TTC28: variants seen among roughly 807,000 people sequenced by gnomAD.
The protein encoded by TTC28 is tetratricopeptide repeat domain 28.
Under a neutral mutation model 198.0 loss-of-function variants are expected in TTC28, and 61 were observed. The observed-to-expected ratio is 0.31, with a 90% confidence interval of 0.25 to 0.38. The LOEUF (loss-of-function observed/expected upper bound fraction) is 0.38. Ranked by LOEUF, TTC28 falls within the 10% of genes least tolerant of loss-of-function variation. The pLI is 1.00. For synonymous variants in TTC28, 1,171 were observed against 1,297.8 expected, an observed-to-expected ratio of 0.90 and a Z score of 2.10; for missense variants, 2,678 against 3,164.0, an observed-to-expected ratio of 0.85 and a Z score of 3.69.
chr22:28,049,630 C>T (rs564239737), intron 12 of TTC28, among the ~76,000 whole-genome samples: 8 of 152,164 alleles, frequency 5.3e-5, no homozygotes, highest in African/African-American at 1.4e-4. Flanking sequence ...CATGATGGCC[C>T]CACTGAACTT....
At chr22:28,635,798 C>CT (rs2051260283) in intron 1 of TTC28, among the ~76,000 whole-genome samples, 1 of 152,126 alleles carries the variant, frequency 6.6e-6, no homozygotes, top group African/African-American at 2.4e-5. Flanking sequence ...ACAGAGCTAT[C>CT]TTTTGTGTGT....
intron 2 of TTC28, among the ~76,000 whole-genome samples, chr22:28,387,757 T>C (rs1319612349): frequency 2.0e-5 from 3 of 152,218 alleles, no homozygotes; most frequent in Admixed American, 6.5e-5. Context: ...CTTTGTCAGA[T>C]GAGTAGGTTG....
intron 2 of TTC28, among the ~76,000 whole-genome samples, chr22:28,580,783 G>A (rs1003057383): frequency 1.3e-5 from 2 of 152,016 alleles, no homozygotes; most frequent in African/African-American, 2.4e-5. Context: ...ATTTTTGGGA[G>A]AAAACCACTG....
intron 2 of TTC28, among the ~76,000 whole-genome samples, chr22:28,514,656 G>A (rs1319272380): frequency 6.6e-6 from 1 of 152,204 alleles, no homozygotes; most frequent in Admixed American, 6.5e-5. Context: ...TCATAAAAAT[G>A]ATTTTTCCAT....
chr22:28,440,988 G>T (rs900114157), intron 2 of TTC28, among the ~76,000 whole-genome samples: 1 of 152,156 alleles, frequency 6.6e-6, no homozygotes, highest in Non-Finnish European at 1.5e-5. Flanking sequence ...ATTGTATCTG[G>T]ATCTTTACAA....
Position 28,591,518 on chromosome 22 carries a change from C to T in TTC28, c.381+38034G>A, listed in dbSNP as rs538066915. On this transcript the variant is annotated intron_variant, in intron 2 of 22. Coordinates refer to ENST00000397906, the MANE Select transcript of TTC28 (RefSeq NM_001145418.2). Reference sequence around the variant, plus strand: ...GAAGTTAAATGACTTTCCTAAGTGACTCAGCTGGTAAATAGAGATTCTGAG... The same window carrying T: ...GAAGTTAAATGACTTTCCTAAGTGATTCAGCTGGTAAATAGAGATTCTGAG... 3.3e-5 allele frequency among the ~76,000 whole-genome samples: 5 copies of T among 152,194 alleles called. No homozygotes were observed. The East Asian group carries it at 9.6e-4, about 29-fold the overall frequency.
chr22:28,290,681 G>T (rs2044771264), intron 5 of TTC28, among the ~76,000 whole-genome samples: 1 of 152,166 alleles, frequency 6.6e-6, no homozygotes, highest in Non-Finnish European at 1.5e-5. Flanking sequence ...GGAGGCCAAG[G>T]TGAGGGAATT....
At chr22:28,032,113 T>C (rs992341437) in intron 12 of TTC28, among the ~76,000 whole-genome samples, 18 of 147,128 alleles carry the variant, frequency 1.2e-4, no homozygotes, top group Admixed American at 2.1e-4. Flanking sequence ...TATCTCTTTA[T>C]AAAAATAAAT....
chr22:28,404,875 T>C (rs779514141), intron 2 of TTC28, among the ~76,000 whole-genome samples: 19 of 152,194 alleles, frequency 1.2e-4, no homozygotes, highest in Non-Finnish European at 2.2e-4. Context: ...CATACGGGGC[T>C]GGGAATGACC....
intron 2 of TTC28, among the ~76,000 whole-genome samples, chr22:28,517,698 A>T (rs887328279): frequency 6.6e-6 from 1 of 152,186 alleles, no homozygotes. Context: ...ATGGAGTCCT[A>T]CAATTCATCC....
chr22:28,168,403 GCTAC>G (rs1305075880), intron 5 of TTC28, among the ~76,000 whole-genome samples: 1 of 152,098 alleles, frequency 6.6e-6, no homozygotes, highest in Non-Finnish European at 1.5e-5. Context: ...GAGGCATCAC[GCTAC>G]CTGACTTCAA....
intron 12 of TTC28, among the ~76,000 whole-genome samples, chr22:28,041,303 G>A (rs1175623420): frequency 2.0e-5 from 3 of 152,204 alleles, no homozygotes; most frequent in African/African-American, 7.2e-5. Flanking sequence ...GAACAAAGCT[G>A]GAGGCATCAA....
At position 28,389,097 on chromosome 22, in the gene TTC28, A is replaced by G. The variant is rs576062765; in HGVS notation, c.382-82454T>C. Among the ~76,000 whole-genome samples, 3 of 152,316 alleles carry G rather than the reference A, an allele frequency of 2.0e-5. No homozygotes were observed. In the South Asian group the frequency reaches 6.2e-4, roughly 32 times the overall value. Reference sequence around the variant, plus strand: ...AGGCCTTTTCTGCATCTATTGAGATAATCATGTGGTTTTTGTCTTTGGTTC... The same window carrying G: ...AGGCCTTTTCTGCATCTATTGAGATGATCATGTGGTTTTTGTCTTTGGTTC... On this transcript the variant is annotated intron_variant, in intron 2 of 22. Transcript: ENST00000397906.
At chr22:28,041,305 A>C (rs1232638828) in intron 12 of TTC28, among the ~76,000 whole-genome samples, 1 of 152,234 alleles carries the variant, frequency 6.6e-6, no homozygotes, top group African/African-American at 2.4e-5. Flanking sequence ...ACAAAGCTGG[A>C]GGCATCAAGC....
intron 1 of TTC28, among the ~76,000 whole-genome samples, chr22:28,677,568 G>A (rs897783856): frequency 2.0e-5 from 3 of 152,128 alleles, no homozygotes; most frequent in Admixed American, 2.0e-4. Context: ...GAATCTGGGA[G>A]GTGGAGGTTG....
chr22:28,379,641 T>G (rs2046465807), intron 2 of TTC28, among the ~76,000 whole-genome samples: 1 of 151,654 alleles, frequency 6.6e-6, no homozygotes, highest in African/African-American at 2.4e-5. Flanking sequence ...AAATGGAGAG[T>G]TGTTTAATGA....
At chr22:28,223,043 G>A (rs1448467607) in intron 5 of TTC28, among the ~76,000 whole-genome samples, 1 of 152,186 alleles carries the variant, frequency 6.6e-6, no homozygotes, top group African/African-American at 2.4e-5. Flanking sequence ...CTTAGAGTCA[G>A]ACTTTTGGAG....
rs548824571 is a variant in TTC28, at chr22:28,562,956, C to T, written c.381+66596G>A. Among the ~76,000 whole-genome samples, 13 of 152,184 alleles carry T rather than the reference C, an allele frequency of 8.5e-5. No individual in the cohort carries two copies. The South Asian group carries it at 2.3e-3, about 27-fold the overall frequency. Reference sequence around the variant, plus strand: ...TGGGCAACATAGCAAAACCCTGTCTCTACAAAAAATACAAATATTTGCCAG... The same window carrying T: ...TGGGCAACATAGCAAAACCCTGTCTTTACAAAAAATACAAATATTTGCCAG... On this transcript the variant is annotated intron_variant, in intron 2 of 22. Coordinates refer to ENST00000397906, the MANE Select transcript of TTC28 (RefSeq NM_001145418.2).
Position 28,003,030 on chromosome 22 carries a change from AAATT to A in TTC28, c.4219-1481_4219-1478del, listed in dbSNP as rs369552411. 2.1e-4 allele frequency among the ~76,000 whole-genome samples: 32 copies of A among 152,348 alleles called. 2 individuals are homozygous for A. In the South Asian group the frequency reaches 6.6e-3, roughly 32 times the overall value. On this transcript the variant is annotated intron_variant, in intron 14 of 22. Coordinates refer to ENST00000397906, the MANE Select transcript of TTC28 (RefSeq NM_001145418.2). ...GCTACAGTATTTCCCAAGAGGAGGT[AAATT>A]AATCACTGTTCAATTGTGCAACCTA...
Sources: allele counts gnomAD v4.1 joint callset (sites outside exome capture counted in the v4.1 genomes callset), GRCh38; gene constraint gnomAD v4.1.1; transcripts MANE v1.5; gene names NCBI Gene and HGNC (gene_info 2026-07-23, HGNC 2026-07-21).